The following SHROOM4 variants were observed in gnomAD, a reference collection of about 807,000 sequenced individuals.
SHROOM4 encodes the protein shroom family member 4.
A neutral mutation model predicts 80.3 loss-of-function variants in SHROOM4; 17 were observed. That is an observed-to-expected ratio of 0.21 (90% CI 0.14 to 0.32). The LOEUF (loss-of-function observed/expected upper bound fraction) is 0.32, where lower values mean the gene tolerates loss of function less well. Among genes scored for constraint, SHROOM4 ranks in the 10% least tolerant of loss-of-function variants. SHROOM4 has a pLI of 1.00. For synonymous variants in SHROOM4, 400 were observed against 437.5 expected (o/e 0.91, Z 1.07); for missense variants, 993 against 1,140.3 (o/e 0.87, Z 1.86).
chrX:50,596,449 G>T lies in SHROOM4; in HGVS notation c.*246C>A. On this transcript the variant is annotated 3_prime_UTR_variant, in exon 9 of 9. Coordinates refer to ENST00000376020, the MANE Select transcript of SHROOM4 (RefSeq NM_020717.5). ...CAAGTACTTGCCCTTGGCAACTGTGGGAAGGAGAGTGTGGTTCTAAGATCA... is the reference window on the plus strand; with the variant it reads ...CAAGTACTTGCCCTTGGCAACTGTGTGAAGGAGAGTGTGGTTCTAAGATCA... The T allele has an allele frequency of 2.0e-6, 1 of 505,368 alleles. No individual in the cohort carries two copies. 41.6% of individuals were successfully genotyped at this position (505,368 alleles called of 1,213,427 possible).
At chrX:50,610,453 T>C (rs1929921077) in intron 5 of SHROOM4, among the ~76,000 whole-genome samples, 1 of 110,757 alleles carries the variant, frequency 9.0e-6, no homozygotes, top group African/African-American at 3.3e-5. Flanking sequence ...CCTGACTACT[T>C]TATCAAAAAT....
intron 2 of SHROOM4, among the ~76,000 whole-genome samples, chrX:50,686,729 G>T (rs1322119665): frequency 9.0e-6 from 1 of 111,272 alleles, no homozygotes; most frequent in Non-Finnish European, 1.9e-5. Flanking sequence ...ACTAAAAGAG[G>T]TTATATAAAC....
At chrX:50,759,176 C>T (rs1381961677) in intron 1 of SHROOM4, among the ~76,000 whole-genome samples, 2 of 111,713 alleles carry the variant, frequency 1.8e-5, no homozygotes, top group Non-Finnish European at 3.8e-5. Context: ...GAGATAGTTA[C>T]GTTAAAATGA....
At chrX:50,751,169 T>C (rs1934908260) in intron 1 of SHROOM4, among the ~76,000 whole-genome samples, 1 of 112,311 alleles carries the variant, frequency 8.9e-6, no homozygotes, top group South Asian at 3.7e-4. Flanking sequence ...CCTACCACTC[T>C]AATCGAACTC....
chrX:50,795,085 T>C (rs1478912423), intron 1 of SHROOM4, among the ~76,000 whole-genome samples: 3 of 67,760 alleles, frequency 4.4e-5, no homozygotes, highest in East Asian at 8.0e-4. Context: ...GATATATATA[T>C]ATGATATATA....
At chrX:50,608,752 C>T (rs1929815700) in intron 5 of SHROOM4, among the ~76,000 whole-genome samples, 1 of 112,025 alleles carries the variant, frequency 8.9e-6, no homozygotes. Flanking sequence ...CTACCTATCA[C>T]CCAGACTTAG....
chrX:50,708,863 T>C (rs1175544983), intron 1 of SHROOM4, among the ~76,000 whole-genome samples: 10 of 111,777 alleles, frequency 8.9e-5, no homozygotes, highest in Admixed American at 5.7e-4. Context: ...TCAATTTTGA[T>C]TGAAAGCAGA....
chrX:50,778,879 G>C (rs1285831674), intron 1 of SHROOM4, among the ~76,000 whole-genome samples: 3 of 111,382 alleles, frequency 2.7e-5, no homozygotes, highest in African/African-American at 9.8e-5. Flanking sequence ...CATGACCTTA[G>C]GCACATTACT....
At chrX:50,702,665 G>A (rs142013224) in intron 1 of SHROOM4, among the ~76,000 whole-genome samples, 3 of 111,705 alleles carry the variant, frequency 2.7e-5, no homozygotes, top group Non-Finnish European at 3.8e-5. Flanking sequence ...ATAATTTTTG[G>A]GGGGTGCTAG....
At chrX:50,790,629 A>C (rs1398893243) in intron 1 of SHROOM4, among the ~76,000 whole-genome samples, 1 of 111,912 alleles carries the variant, frequency 8.9e-6, no homozygotes, top group Non-Finnish European at 1.9e-5. Flanking sequence ...CTGGTATGCA[A>C]AGATGGTTTA....
intron 1 of SHROOM4, among the ~76,000 whole-genome samples, chrX:50,715,794 A>G (rs1557264764): frequency 9.2e-6 from 1 of 109,174 alleles, no homozygotes. Context: ...GAAAAACGGT[A>G]TCAAGGTTCC....
chrX:50,810,321 G>A (rs1936304920), intron 1 of SHROOM4, among the ~76,000 whole-genome samples: 1 of 110,730 alleles, frequency 9.0e-6, no homozygotes, highest in South Asian at 3.9e-4. Flanking sequence ...TGACAACTAT[G>A]AACTAGACTT....
chrX:50,733,468 A>G (rs1557266451), intron 1 of SHROOM4, among the ~76,000 whole-genome samples: 1 of 111,693 alleles, frequency 9.0e-6, no homozygotes, highest in Admixed American at 9.5e-5. Flanking sequence ...AAATGAGTTC[A>G]TCCAACTCTT....
intron 2 of SHROOM4, among the ~76,000 whole-genome samples, chrX:50,638,955 A>G (rs1451869583): frequency 8.9e-6 from 1 of 112,731 alleles, no homozygotes; most frequent in Non-Finnish European, 1.9e-5. Context: ...GAGACACCTG[A>G]GTTGGTAGGC....
At chrX:50,800,640 G>A (rs538339307) in intron 1 of SHROOM4, among the ~76,000 whole-genome samples, 5 of 111,420 alleles carry the variant, frequency 4.5e-5, no homozygotes, top group South Asian at 3.9e-4. Flanking sequence ...GAAAATCGGA[G>A]GCCAGAATTT....
chrX:50,740,382 GTCAA>G (rs1383305532), intron 1 of SHROOM4, among the ~76,000 whole-genome samples: 3 of 111,533 alleles, frequency 2.7e-5, no homozygotes, highest in Admixed American at 9.5e-5. Flanking sequence ...TGATAAAAGG[GTCAA>G]TCAATTGGGA....
chrX:50,633,848 A>G lies in SHROOM4; in HGVS notation c.2225T>C (p.Met742Thr). ...HNSQPLVAAA[M>T]EGPSNPGDNK... ...GTCACCTGGGTTGGAAGGGCCTTCC[A>G]TGGCTGCTGCCACAAGTGGCTGTGA... Residue 742 changes from methionine to threonine, a missense_variant, in exon 4 of 9, where the codon ATG becomes ACG. Coordinates refer to ENST00000376020, the MANE Select transcript of SHROOM4 (RefSeq NM_020717.5). The G allele has an allele frequency of 8.3e-7, 1 of 1,212,030 alleles. No individual in the cohort carries two copies. The highest frequency in any genetic ancestry group is 1.1e-6 in the Non-Finnish European group (1 of 895,586).
At chrX:50,758,006 A>G (rs1401410123) in intron 1 of SHROOM4, among the ~76,000 whole-genome samples, 1 of 111,089 alleles carries the variant, frequency 9.0e-6, no homozygotes, top group Non-Finnish European at 1.9e-5. Context: ...TGTACAAAAT[A>G]CTTTTTTGTC....
intron 2 of SHROOM4, among the ~76,000 whole-genome samples, chrX:50,659,375 T>C (rs782114899): frequency 6.3e-5 from 7 of 111,016 alleles, no homozygotes; most frequent in Non-Finnish European, 1.3e-4. Context: ...GTCTAGGAGG[T>C]AAAATCAGTT....
Sources: gnomAD v4.1 joint callset for allele counts (sites outside exome capture counted in the v4.1 genomes callset) on GRCh38, gnomAD v4.1.1 for gene constraint, MANE v1.5 for transcripts, NCBI Gene and HGNC (gene_info 2026-07-23, HGNC 2026-07-21) for gene names.